Variants in TNXB observed in about 807,000 individuals in gnomAD.
The protein encoded by TNXB is tenascin-X.
Under a neutral mutation model 340.5 loss-of-function variants are expected in TNXB, and 183 were observed. That is an observed-to-expected ratio of 0.54 (90% CI 0.48 to 0.61). The LOEUF is 0.61. Ranked by LOEUF, TNXB falls within the 20% of genes least tolerant of loss-of-function variation. The probability of loss-of-function intolerance (pLI) is 0.00; values close to 1 mark genes in which losing one functional copy is unlikely to be tolerated. For missense variants in TNXB, 4,613 were observed against 5,446.4 expected (o/e 0.85, Z 4.82); for synonymous variants, 2,121 against 2,314.5 (o/e 0.92, Z 2.40).
In TNXB at chr6:32,048,628, C is replaced by T. The variant is rs747251264; in HGVS notation, c.9780G>A (p.Pro3260=). 19 of 1,508,108 alleles carry T rather than the reference C, an allele frequency of 1.3e-5. No homozygotes were observed. Among genetic ancestry groups the T allele is most frequent in the African/African-American group, 9.6e-5 (7 of 72,702 alleles). 93.4% of individuals were successfully genotyped at this position (1,508,108 alleles called of 1,614,324 possible). A position where few individuals can be genotyped will look rare whatever the true frequency, so the allele number is the denominator to read the frequency against. Residue 3260 remains proline (P), a synonymous_variant, in exon 29 of 44, where the codon CCG becomes CCA. Transcript: ENST00000644971. ...CCAGCTCCCCCAGGCGGGGCTCCAC[C>T]GGCAGTGGTGTGGGCAGGGGCGCTG... is the stretch of plus-strand genomic sequence containing the variant. The part of the protein sequence containing the change: ...GITAPLPTPL[P]VEPRLGELAV...
chr6:32,070,487 A>C lies in TNXB; in HGVS notation c.4991-73T>G. 1 of 1,429,576 alleles carries C rather than the reference A, an allele frequency of 7.0e-7. No individual in the cohort carries two copies. Among genetic ancestry groups the C allele is most frequent in the African/African-American group, 1.4e-5 (1 of 69,780 alleles). The allele number at this position is 1,429,576 out of a possible 1,614,324, so 88.6% of individuals were successfully genotyped here. ...GACTGCCTCCCTCTGGGGCTGGAAA[A>C]ACCCAGAACTGCCCAAATGCTCAGT... is the stretch of plus-strand genomic sequence containing the variant. On this transcript the variant is annotated intron_variant, in intron 13 of 43. Coordinates refer to ENST00000644971, the MANE Select transcript of TNXB (RefSeq NM_001365276.2). The surrounding 1 kb of genome is among the most constrained non-coding windows in gnomAD (Gnocchi z 6.0).
At position 32,065,054 on chromosome 6, in the gene TNXB, C is replaced by T. The variant is rs150876029; in HGVS notation, c.6608G>A (p.Arg2203Lys). ...GCTGAGGGAGTCGGAGGTGATGTCT[C>T]TCACTGTCATCTGCCCTAGGCGCAG... ...AKLRLGQMTV[R>K]DITSDSLSLS... The change falls in exon 19 of 44, where the codon AGA becomes AAA. Residue 2203 changes from arginine (R) to lysine (K), a missense_variant. Arg to Lys is a conservative substitution (Grantham distance 26, BLOSUM62 2). This residue lies in a region of TNXB where 4,327 missense variants were observed against 4,859.4 expected (regional missense o/e 0.89). Coordinates refer to ENST00000644971, the MANE Select transcript of TNXB (RefSeq NM_001365276.2). 8.1e-4 allele frequency: 1,305 copies of T among 1,604,800 alleles called. 19 individuals carry two copies. The East Asian group carries it at 0.027, about 33-fold the overall frequency.
intron 1 of TNXB, among the ~76,000 whole-genome samples, chr6:32,099,102 G>C (rs1156302635): frequency 1.3e-5 from 2 of 152,278 alleles, no homozygotes; most frequent in Non-Finnish European, 2.9e-5. Context: ...GCACATAAAT[G>C]TTCTATCTGA....
At position 32,087,239 on chromosome 6, in the gene TNXB, A is replaced by C. The variant is rs749455010; in HGVS notation, c.2780-1121T>G. 2 of 499,434 alleles carry C rather than the reference A, an allele frequency of 4.0e-6. No homozygotes were observed. Among genetic ancestry groups the C allele is most frequent in the East Asian group, 1.2e-4 (2 of 17,270 alleles). 30.9% of individuals were successfully genotyped at this position (499,434 alleles called of 1,614,324 possible). A position where few individuals can be genotyped will look rare whatever the true frequency, so the allele number is the denominator to read the frequency against. On this transcript the variant is annotated intron_variant, in intron 6 of 43. Transcript: ENST00000644971. This position sits in a 1 kb window ranked among gnomAD's most constrained non-coding sequence, Gnocchi z 9.0. ...CAAGGGATAGGTGTCCCGTGGCCCCAGCCCACACTACCTGTGGTGGTGATG... is the reference window on the plus strand; with the variant it reads ...CAAGGGATAGGTGTCCCGTGGCCCCCGCCCACACTACCTGTGGTGGTGATG...
chr6:32,049,320 C>T lies in TNXB; in HGVS notation c.9707G>A (p.Gly3236Asp), dbSNP rs569117448. 3.1e-6 allele frequency: 5 copies of T among 1,612,472 alleles called. No homozygotes were observed. In the East Asian group the frequency reaches 6.7e-5, roughly 22 times the overall value. Residue 3236 changes from glycine to aspartate, a missense_variant, in exon 28 of 44, where the codon GGC becomes GAC. Gly to Asp is a moderately conservative substitution (Grantham distance 94). This residue lies in a region of TNXB where 4,327 missense variants were observed against 4,859.4 expected (regional missense o/e 0.89). Coordinates refer to ENST00000644971, the MANE Select transcript of TNXB (RefSeq NM_001365276.2). This position sits in a 1 kb window ranked among gnomAD's most constrained non-coding sequence, Gnocchi z 4.5. ...GCCCACGCGCTGCCCCTCGTGGAGG[C>T]CGTACAGATGCATCTTGTATTTGCG... ...PGRKYKMHLY[G>D]LHEGQRVGPV... is the part of the protein sequence containing the mutation.
Position 32,061,500 on chromosome 6 carries a change from C to T in TNXB, c.7389G>A (p.Glu2463=), listed in dbSNP as rs1416562950. ...CAGGCTCCAGGCCCCCCACGGTGACCTCGCTCTCCTCGCCCCCAACACGCA... is the reference window on the plus strand; with the variant it reads ...CAGGCTCCAGGCCCCCCACGGTGACTTCGCTCTCCTCGCCCCCAACACGCA... ...QVVRVGGEES[E]VTVGGLEPGR... The change falls in exon 21 of 44, where the codon GAG becomes GAA. Residue 2463 remains glutamate (E), a synonymous_variant. Transcript: ENST00000644971. The surrounding 1 kb of genome is among the most constrained non-coding windows in gnomAD (Gnocchi z 4.4). 3.7e-6 allele frequency: 6 copies of T among 1,613,618 alleles called. No homozygotes were observed. Among genetic ancestry groups the T allele is most frequent in the East Asian group, 2.2e-5 (1 of 44,880 alleles).
Position 32,042,042 on chromosome 6 carries a change from G to A in TNXB, c.12439C>T (p.Leu4147Phe), listed in dbSNP as rs1776448526. The change falls in exon 42 of 44, where the codon CTC becomes TTC. Residue 4147 changes from leucine to phenylalanine, a missense_variant. Leu to Phe is a conservative substitution (Grantham distance 22). Around this residue, in one of 7 missense-constraint regions of TNXB, gnomAD observed 121 missense variants for 177.4 expected, o/e 0.68. Transcript: ENST00000644971. Reference protein sequence around the residue: ...HVDSAAEYYRLHLEGYHGTAG... With the variant: ...HVDSAAEYYRFHLEGYHGTAG... ...GTGCCGTGGTAGCCCTCCAAGTGGA[G>A]GCGGTAGTACTCCGCAGCCGAGTCT... The A allele has an allele frequency of 1.9e-6, 1 of 539,804 alleles. No individual in the cohort carries two copies. 33.4% of individuals were successfully genotyped at this position (539,804 alleles called of 1,614,324 possible).
rs34605198 is a variant in TNXB at position 32,052,450 on chromosome 6, C to CAA, written c.9115+218_9115+219dup. 5.9e-5 allele frequency among the ~76,000 whole-genome samples: 7 copies of CAA among 118,830 alleles called. No homozygotes were observed. The highest frequency in any genetic ancestry group is 1.6e-4 in the African/African-American group (5 of 30,814). The allele number at this position is 118,830 out of a possible 152,430, so 78.0% of individuals were successfully genotyped here. ...TGGGTGACAAAGCGAGACTCTATCT[C>CAA]AAAAAAAAAAAAAAGAAAGAAAGAA... On this transcript the variant is annotated intron_variant, in intron 26 of 43. Transcript: ENST00000644971. This position sits in a 1 kb window ranked among gnomAD's most constrained non-coding sequence, Gnocchi z 4.7.
intron 1 of TNXB, among the ~76,000 whole-genome samples, chr6:32,106,603 T>C (rs1780992882): frequency 6.6e-6 from 1 of 152,182 alleles, no homozygotes; most frequent in Admixed American, 6.5e-5. Context: ...CACATTCTGC[T>C]ACCAGCCAGC....
At chr6:32,101,448 T>G (rs1780716215) in intron 1 of TNXB, among the ~76,000 whole-genome samples, 1 of 151,164 alleles carries the variant, frequency 6.6e-6, no homozygotes, top group African/African-American at 2.4e-5. Flanking sequence ...ACCACCATAC[T>G]TGGCTCATTT....
rs942589769 is a variant in TNXB, at chr6:32,080,662, T to C, written c.4042+706A>G. ...TACAGGAAGTAAGTTGCAAGGCTGG[T>C]AGTGAGACTCGGGCAGTTGGCTCCG... is the stretch of plus-strand genomic sequence containing the variant. On this transcript the variant is annotated intron_variant, in intron 10 of 43. Transcript: ENST00000644971. The surrounding 1 kb of genome is among the most constrained non-coding windows in gnomAD (Gnocchi z 4.3). Among the ~76,000 whole-genome samples the C allele has an allele frequency of 2.0e-4, 30 of 152,210 alleles. No homozygotes were observed. The highest frequency in any genetic ancestry group is 7.2e-4 in the African/African-American group (30 of 41,442).
chr6:32,048,724 T>C (rs1199907237), intron 28 of TNXB, 74 bp from the exon 29 acceptor site: 1 of 1,325,354 alleles, frequency 7.5e-7, no homozygotes, highest in African/African-American at 1.5e-5. Context: ...CTCCCAGGAC[T>C]GGAGTGAGCA....
At chr6:32,095,513 T>C (rs928949472) in intron 3 of TNXB, 98 bp downstream of exon 3, 7 of 1,453,692 alleles carry the variant, frequency 4.8e-6, no homozygotes, top group East Asian at 2.3e-5. Flanking sequence ...TGGAATGACA[T>C]GCTCTCCCTC....
intron 24 of TNXB, among the ~76,000 whole-genome samples, chr6:32,055,346 AC>A (rs1024325737): frequency 2.9e-4 from 44 of 152,176 alleles, no homozygotes; most frequent in Admixed American, 2.0e-4. Context: ...GGACATTGAT[AC>A]CCTAAAATTA....
At position 32,087,489 on chromosome 6, in the gene TNXB, A is replaced by G; in HGVS notation, c.2779+1296T>C. ...ACACGAGAAGCGCGCCATCGGCGGA[A>G]CTGCCCAGCACCTCTGGCTTGGGGT... is the stretch of plus-strand genomic sequence containing the variant. On this transcript the variant is annotated intron_variant, in intron 6 of 43. Coordinates refer to ENST00000644971, the MANE Select transcript of TNXB (RefSeq NM_001365276.2). This position sits in a 1 kb window ranked among gnomAD's most constrained non-coding sequence, Gnocchi z 9.0. 2.0e-6 allele frequency: 1 copy of G among 489,612 alleles called. No individual in the cohort carries two copies. Among genetic ancestry groups the G allele is most frequent in the South Asian group, 1.5e-5 (1 of 67,550 alleles). The allele number at this position is 489,612 out of a possible 1,614,324, so 30.3% of individuals were successfully genotyped here.
Position 32,090,867 on chromosome 6 carries a change from C to T in TNXB, c.2359-1488G>A, listed in dbSNP as rs1410192468. ...TCTCTGTGTGTGTGTATGTCTCTTTCTCTTTATCCACACCCACCCCATCCC... is the reference window on the plus strand; with the variant it reads ...TCTCTGTGTGTGTGTATGTCTCTTTTTCTTTATCCACACCCACCCCATCCC... On this transcript the variant is annotated intron_variant, in intron 4 of 43. Coordinates refer to ENST00000644971, the MANE Select transcript of TNXB (RefSeq NM_001365276.2). The surrounding 1 kb of genome is among the most constrained non-coding windows in gnomAD (Gnocchi z 4.3). Among the ~76,000 whole-genome samples, 1 of 152,130 alleles carries T rather than the reference C, an allele frequency of 6.6e-6. No individual in the cohort carries two copies. Among genetic ancestry groups the T allele is most frequent in the Non-Finnish European group, 1.5e-5 (1 of 68,016 alleles).
rs1779816478 is a variant in TNXB at position 32,087,019 on chromosome 6, C to A, written c.2780-901G>T. 6.6e-6 allele frequency among the ~76,000 whole-genome samples: 1 copy of A among 152,234 alleles called. No individual in the cohort carries two copies. Among genetic ancestry groups the A allele is most frequent in the Non-Finnish European group, 1.5e-5 (1 of 68,034 alleles). On this transcript the variant is annotated intron_variant, in intron 6 of 43. Coordinates refer to ENST00000644971, the MANE Select transcript of TNXB (RefSeq NM_001365276.2). This position sits in a 1 kb window ranked among gnomAD's most constrained non-coding sequence, Gnocchi z 9.0. ...CGGGAAACCCCAAAGAAGGCGCTGCCTTGACCTTAGGCATCCACAGGATGG... is the reference window on the plus strand; with the variant it reads ...CGGGAAACCCCAAAGAAGGCGCTGCATTGACCTTAGGCATCCACAGGATGG...
chr6:32,049,987 C>A lies in TNXB; in HGVS notation c.9439+11G>T. 1 of 1,612,856 alleles carries A rather than the reference C, an allele frequency of 6.2e-7. No homozygotes were observed. Among genetic ancestry groups the A allele is most frequent in the Non-Finnish European group, 8.5e-7 (1 of 1,179,030 alleles). On this transcript the variant is annotated intron_variant, in intron 27 of 43. Coordinates refer to ENST00000644971, the MANE Select transcript of TNXB (RefSeq NM_001365276.2). The surrounding 1 kb of genome is among the most constrained non-coding windows in gnomAD (Gnocchi z 4.5). ...ACAGCTCCCACCCTGGGGCTCCCAT[C>A]ATTCACTCACCCGTCACCCCAATGG... is the stretch of plus-strand genomic sequence containing the variant.
rs1050833643 is a variant in TNXB, at chr6:32,073,568, G to C, written c.4681+79C>G. The C allele has an allele frequency of 6.6e-6, 9 of 1,360,522 alleles. No homozygotes were observed. In the African/African-American group the frequency reaches 1.3e-4, roughly 20 times the overall value. 84.3% of individuals were successfully genotyped at this position (1,360,522 alleles called of 1,614,324 possible). A position where few individuals can be genotyped will look rare whatever the true frequency, so the allele number is the denominator to read the frequency against. Reference sequence around the variant, plus strand: ...CTCAGTGAGGGTGCGGTGGTACCAAGGCAGGGCTGGAAGAAGGGCCATGGG... The same window carrying C: ...CTCAGTGAGGGTGCGGTGGTACCAACGCAGGGCTGGAAGAAGGGCCATGGG... On this transcript the variant is annotated intron_variant, in intron 12 of 43. Coordinates refer to ENST00000644971, the MANE Select transcript of TNXB (RefSeq NM_001365276.2). This position sits in a 1 kb window ranked among gnomAD's most constrained non-coding sequence, Gnocchi z 4.6.
Sources: gnomAD v4.1 joint callset for allele counts (sites outside exome capture counted in the v4.1 genomes callset) on GRCh38, gnomAD v4.1.1 for gene constraint, gnomAD v4.1.1 regional missense constraint, Gnocchi (gnomAD v3.1) non-coding constraint, MANE v1.5 for transcripts, NCBI Gene and HGNC (gene_info 2026-07-23, HGNC 2026-07-21) for gene names.